The following UNK variants were observed in gnomAD, a reference collection of about 807,000 sequenced individuals.
UNK encodes RING finger protein unkempt homolog.
UNK carries 32 observed loss-of-function variants against 97.6 expected under a neutral mutation model. The ratio of observed to expected loss-of-function variants is 0.33; its 90% CI spans 0.25 to 0.44. UNK has a LOEUF of 0.44. UNK is among the 20% of genes least tolerant of loss of function. The probability of loss-of-function intolerance (pLI) is 1.00; values close to 1 mark genes in which losing one functional copy is unlikely to be tolerated. For missense variants in UNK, 771 were observed against 1,098.4 expected, an observed-to-expected ratio of 0.70 and a Z score of 4.21; for synonymous variants, 441 against 461.2, an observed-to-expected ratio of 0.96 and a Z score of 0.56.
At chr17:75,787,136 T>C (rs2061719658) in intron 1 of UNK, among the ~76,000 whole-genome samples, 1 of 152,182 alleles carries the variant, frequency 6.6e-6, no homozygotes, top group African/African-American at 2.4e-5. Context: ...GAAAACTTCA[T>C]CCCCTAGTCC....
intron 1 of UNK, among the ~76,000 whole-genome samples, chr17:75,799,584 T>C (rs759159730): frequency 6.6e-6 from 1 of 152,192 alleles, no homozygotes; most frequent in South Asian, 2.1e-4. Flanking sequence ...GCTTTTTGCT[T>C]TTCTTTTCAC....
chr17:75,817,016 G>C lies in UNK; in HGVS notation c.1104+104G>C. The C allele has an allele frequency of 7.0e-7, 1 of 1,438,238 alleles. No homozygotes were observed. The highest frequency in any genetic ancestry group is 9.2e-7 in the Non-Finnish European group (1 of 1,084,394). The allele number at this position is 1,438,238 out of a possible 1,614,324, so 89.1% of individuals were successfully genotyped here. ...GGCTTGGGAGACCATCCTGGTATTTGTCCTCAGGCCAGGGGGATCTGTCTT... is the reference window on the plus strand; with the variant it reads ...GGCTTGGGAGACCATCCTGGTATTTCTCCTCAGGCCAGGGGGATCTGTCTT... On this transcript the variant is annotated intron_variant, in intron 8 of 15. Coordinates refer to ENST00000589666, the MANE Select transcript of UNK (RefSeq NM_001080419.3). The surrounding 1 kb of genome is among the most constrained non-coding windows in gnomAD (Gnocchi z 5.8).
At chr17:75,795,193 G>A (rs1457625075) in intron 1 of UNK, among the ~76,000 whole-genome samples, 5 of 150,860 alleles carry the variant, frequency 3.3e-5, no homozygotes, top group African/African-American at 4.9e-5. Context: ...GGCCAAATAC[G>A]TTGTTGTACA....
rs1202360141 is a variant in UNK at position 75,809,870 on chromosome 17, G to A, written c.215G>A (p.Arg72His). The change falls in exon 2 of 16, where the codon CGC (arginine) becomes CAC (histidine). Residue 72 changes from arginine to histidine, a missense_variant. Transcript: ENST00000589666. The stretch of plus-strand genomic sequence containing the variant: ...TGGCACTTCGTGAACCAGCGGCGCC[G>A]CCGGTCCATCCGCCGTCGGGACGGC... ...FHWHFVNQRR[R>H]RSIRRRDGTF... The A allele has an allele frequency of 6.2e-7, 1 of 1,613,898 alleles. No individual in the cohort carries two copies. The highest frequency in any genetic ancestry group is 8.5e-7 in the Non-Finnish European group (1 of 1,179,892).
chr17:75,794,668 T>A (rs2061790476), intron 1 of UNK, among the ~76,000 whole-genome samples: 1 of 151,558 alleles, frequency 6.6e-6, no homozygotes, highest in Non-Finnish European at 1.5e-5. Flanking sequence ...TAGTTAATAG[T>A]CAGCATGGTA....
chr17:75,823,353 G>A lies in UNK; in HGVS notation c.2108G>A (p.Arg703Gln), dbSNP rs758959033. The A allele has an allele frequency of 6.8e-6, 11 of 1,611,582 alleles. No homozygotes were observed. The highest frequency in any genetic ancestry group is 3.3e-5 in the South Asian group (3 of 90,980). Residue 703 changes from arginine to glutamine, a missense_variant, in exon 15 of 16, where the codon CGG (arginine) becomes CAG (glutamine). Physicochemically the swap from Arg to Gln is conservative, Grantham distance 43. Around this residue, in one of 5 missense-constraint regions of UNK, gnomAD observed 208 missense variants for 257.4 expected, o/e 0.81. Transcript: ENST00000589666. ...GAECELAREQ[R>Q]DALEVQVKKL... ...GAGTGCGAGCTGGCCCGGGAGCAGC[G>A]GGATGCACTGGAGGTGCAGGTGAAG...
At chr17:75,792,388 G>T (rs968248282) in intron 1 of UNK, 1 of 985,240 alleles carries the variant, frequency 1.0e-6, no homozygotes, top group Admixed American at 6.2e-5. Context: ...ACTATGGACA[G>T]TTATGGCTAA....
chr17:75,788,849 G>C (rs1000453310), intron 1 of UNK, among the ~76,000 whole-genome samples: 14 of 152,108 alleles, frequency 9.2e-5, no homozygotes, highest in African/African-American at 3.1e-4. Flanking sequence ...TTTTATACCT[G>C]ATGTTATTTG....
chr17:75,803,848 A>G (rs2061886104), intron 1 of UNK, among the ~76,000 whole-genome samples: 1 of 152,238 alleles, frequency 6.6e-6, no homozygotes, highest in Non-Finnish European at 1.5e-5. Flanking sequence ...AATCGCTCCC[A>G]ACCACTATTG....
chr17:75,813,491 C>T (rs1258041389), intron 5 of UNK, among the ~76,000 whole-genome samples: 1 of 152,210 alleles, frequency 6.6e-6, no homozygotes, highest in Non-Finnish European at 1.5e-5. Context: ...CAGGCCACAG[C>T]GTGGACAGTG....
intron 13 of UNK, 23 bp from the exon 14 acceptor site, chr17:75,822,454 T>A: frequency 6.3e-7 from 1 of 1,594,236 alleles, no homozygotes; most frequent in Non-Finnish European, 8.6e-7. Flanking sequence ...CCGGAGCTGA[T>A]GTTCTTCCCC....
chr17:75,806,124 T>TCTAAAGTCTAAAATATTTAC, intron 1 of UNK, among the ~76,000 whole-genome samples: 1 of 141,066 alleles, frequency 7.1e-6, no homozygotes, highest in Middle Eastern at 3.9e-3. Flanking sequence ...AAAAAAGAAA[T>TCTAAAGTCTAAAATATTTAC]CTAAAGTCTA....
rs1396494559 is a variant in UNK at position 75,825,677 on chromosome 17, G to T, written c.*1260G>T. The T allele has an allele frequency of 1.3e-5, 2 of 152,280 alleles. No homozygotes were observed. Among genetic ancestry groups the T allele is most frequent in the Admixed American group, 6.5e-5 (1 of 15,290 alleles). The allele number at this position is 152,280 out of a possible 1,614,324, so 9.4% of individuals were successfully genotyped here. Reference sequence around the variant, plus strand: ...CTGAGAGGGTCTGGTCCTGGCCCAGGCTCCCCCTTGGGCTCAGCACGAAAG... The same window carrying T: ...CTGAGAGGGTCTGGTCCTGGCCCAGTCTCCCCCTTGGGCTCAGCACGAAAG... On this transcript the variant is annotated 3_prime_UTR_variant, in exon 16 of 16. Transcript: ENST00000589666. This position sits in a 1 kb window ranked among gnomAD's most constrained non-coding sequence, Gnocchi z 4.4.
At chr17:75,791,119 G>A (rs2061760803) in intron 1 of UNK, among the ~76,000 whole-genome samples, 1 of 152,142 alleles carries the variant, frequency 6.6e-6, no homozygotes, top group African/African-American at 2.4e-5. Context: ...TCATGTTAAA[G>A]GAAAATGAAA....
chr17:75,813,317 C>T, intron 5 of UNK, 104 bp downstream of exon 5: 1 of 1,431,108 alleles, frequency 7.0e-7, no homozygotes, highest in Non-Finnish European at 9.2e-7. Flanking sequence ...GAGGCTGGTC[C>T]TGGGGATGAC....
At chr17:75,798,841 C>T (rs530822227) in intron 1 of UNK, among the ~76,000 whole-genome samples, 2 of 151,656 alleles carry the variant, frequency 1.3e-5, no homozygotes, top group South Asian at 4.2e-4. Context: ...CTGAGGCAGG[C>T]AGATCATGAG....
chr17:75,824,508 A>G lies in UNK; in HGVS notation c.*91A>G, dbSNP rs1000327861. On this transcript the variant is annotated 3_prime_UTR_variant, in exon 16 of 16. Transcript: ENST00000589666. The surrounding 1 kb of genome is among the most constrained non-coding windows in gnomAD (Gnocchi z 4.9). Reference sequence around the variant, plus strand: ...TATATGAATATATATATATATGTGTATGTATGTATGTATATGTATATGATT... The same window carrying G: ...TATATGAATATATATATATATGTGTGTGTATGTATGTATATGTATATGATT... 29 of 879,378 alleles carry G rather than the reference A, an allele frequency of 3.3e-5. No homozygotes were observed. The highest frequency in any genetic ancestry group is 2.7e-4 in the Admixed American group (6 of 21,960). 54.5% of individuals were successfully genotyped at this position (879,378 alleles called of 1,614,324 possible). A position where few individuals can be genotyped will look rare whatever the true frequency, so the allele number is the denominator to read the frequency against.
At chr17:75,790,962 T>A (rs1016648941) in intron 1 of UNK, among the ~76,000 whole-genome samples, 2 of 152,042 alleles carry the variant, frequency 1.3e-5, no homozygotes, top group East Asian at 3.9e-4. Flanking sequence ...AAAATAAAAA[T>A]AAATAAATAA....
At chr17:75,788,464 C>T (rs2061733623) in intron 1 of UNK, among the ~76,000 whole-genome samples, 1 of 152,062 alleles carries the variant, frequency 6.6e-6, no homozygotes, top group African/African-American at 2.4e-5. Context: ...AGGCGTGAGC[C>T]ACTGTTCCCG....
Sources: gnomAD v4.1 joint callset for allele counts (sites outside exome capture counted in the v4.1 genomes callset) on GRCh38, gnomAD v4.1.1 for gene constraint, gnomAD v4.1.1 regional missense constraint, Gnocchi (gnomAD v3.1) non-coding constraint, MANE v1.5 for transcripts, NCBI Gene and HGNC (gene_info 2026-07-23, HGNC 2026-07-21) for gene names.